Variants in ITGA8 observed in about 807,000 individuals in gnomAD.
ITGA8 encodes the protein integrin alpha-8.
In ITGA8, 91 loss-of-function variants were observed where a neutral mutation model predicts 142.3. That is an observed-to-expected ratio of 0.64 (90% CI 0.54 to 0.76). ITGA8 has a LOEUF of 0.76. ITGA8 is among the 30% of genes least tolerant of loss of function. The pLI is 0.00. For missense variants in ITGA8, 1,406 were observed against 1,327.7 expected (o/e 1.06, Z -0.92); for synonymous variants, 505 against 485.2 (o/e 1.04, Z -0.54).
intron 22 of ITGA8, among the ~76,000 whole-genome samples, chr10:15,590,042 C>T (rs537946385): frequency 4.6e-5 from 7 of 152,304 alleles, no homozygotes; most frequent in South Asian, 2.1e-4. Flanking sequence ...GGATTACAGG[C>T]GTGAGCCACT....
chr10:15,617,684 C>A (rs1833419887), intron 13 of ITGA8, among the ~76,000 whole-genome samples: 2 of 152,318 alleles, frequency 1.3e-5, no homozygotes, highest in South Asian at 2.1e-4. Context: ...CAGGCATGAG[C>A]CACTGCACCT....
chr10:15,528,399 C>T (rs1833219208), intron 28 of ITGA8, among the ~76,000 whole-genome samples: 1 of 152,172 alleles, frequency 6.6e-6, no homozygotes, highest in Admixed American at 6.5e-5. Context: ...AAGGTCTTCT[C>T]CAGTTAGTCA....
chr10:15,660,411 G>A lies in ITGA8; in HGVS notation c.891+468C>T, dbSNP rs941089712. On this transcript the variant is annotated intron_variant, in intron 9 of 29. Transcript: ENST00000378076. ...TCTGACTTATTTTCCTTCCTTTTCC[G>A]TAAGCAAGCAGCATGAATCGGGAGG... is the stretch of plus-strand genomic sequence containing the variant. 9.8e-5 allele frequency among the ~76,000 whole-genome samples: 15 copies of A among 152,292 alleles called. No homozygotes were observed. In the South Asian group the frequency reaches 1.2e-3, roughly 13 times the overall value.
In ITGA8 at chr10:15,567,734, C is replaced by T. The variant is rs114911137; in HGVS notation, c.2637+4477G>A. 1.9e-3 allele frequency among the ~76,000 whole-genome samples: 285 copies of T among 152,230 alleles called. 1 individual carries two copies. Among genetic ancestry groups the T allele is most frequent in the Middle Eastern group, 6.8e-3 (2 of 294 alleles). On this transcript the variant is annotated intron_variant, in intron 25 of 29. Coordinates refer to ENST00000378076, the MANE Select transcript of ITGA8 (RefSeq NM_003638.3). ...GCCCCTAGGCTGACCTCAGTTGGGC[C>T]CTGGGGACAATTCACAGGGGAAACA...
Position 15,644,579 on chromosome 10 carries a change from T to TCAGCCTCCC in ITGA8, c.1208-367_1208-359dup, listed in dbSNP as rs1385103234. Among the ~76,000 whole-genome samples, 5 of 146,606 alleles carry TCAGCCTCCC rather than the reference T, an allele frequency of 3.4e-5. No individual in the cohort carries two copies. In the East Asian group the frequency reaches 6.1e-4, roughly 18 times the overall value. ...CCTGGCCTCAAGTGATCACCCCACC[T>TCAGCCTCCC]CAGCCTCCCACACTGTTGGGATTAA... On this transcript the variant is annotated intron_variant, in intron 12 of 29. Coordinates refer to ENST00000378076, the MANE Select transcript of ITGA8 (RefSeq NM_003638.3).
chr10:15,644,477 TATATATATATATATAG>T (rs1175285504), intron 12 of ITGA8, among the ~76,000 whole-genome samples: 719 of 23,736 alleles, frequency 0.03, 25 homozygotes, highest in Admixed American at 0.047. Context: ...TATATATATA[TATATATATATATATAG>T]AATTTTTTTT....
rs1441727389 is a variant in ITGA8, at chr10:15,687,957, G to A, written c.425C>T (p.Ala142Val). 1.9e-6 allele frequency: 3 copies of A among 1,611,688 alleles called. No homozygotes were observed. The South Asian group carries it at 3.3e-5, about 18-fold the overall frequency. ...ACTCACCACAACTTTTCCTTTGTGA[G>A]CTTTCACTGTTGCTCCAAACCACTG... is the stretch of plus-strand genomic sequence containing the variant. ...SNQWFGATVKAHKGKVVACAP... is the reference protein window; with the variant it reads ...SNQWFGATVKVHKGKVVACAP... The change falls in exon 3 of 30, where the codon GCT becomes GTT. Residue 142 changes from alanine (A) to valine (V), a missense_variant. By Grantham distance (64) the Ala-to-Val change is moderately conservative. Transcript: ENST00000378076.
chr10:15,568,745 G>A (rs542164787), intron 25 of ITGA8, among the ~76,000 whole-genome samples: 4 of 152,160 alleles, frequency 2.6e-5, no homozygotes, highest in Non-Finnish European at 5.9e-5. Context: ...CTTTGATGCC[G>A]TCAAAGTATG....
chr10:15,533,153 G>A (rs1451129577), intron 27 of ITGA8, among the ~76,000 whole-genome samples: 3 of 152,128 alleles, frequency 2.0e-5, no homozygotes, highest in African/African-American at 4.8e-5. Flanking sequence ...TTTTTACAAA[G>A]TTCTTTTTCC....
chr10:15,683,810 A>G (rs1834785750), intron 4 of ITGA8, among the ~76,000 whole-genome samples, 194 bp downstream of exon 4: 1 of 152,268 alleles, frequency 6.6e-6, no homozygotes, highest in African/African-American at 2.4e-5. Context: ...ACAGAAGATC[A>G]GTAGAATTCC....
chr10:15,707,419 G>C (rs1835279925), intron 2 of ITGA8, among the ~76,000 whole-genome samples: 1 of 152,162 alleles, frequency 6.6e-6, no homozygotes, highest in Non-Finnish European at 1.5e-5. Context: ...AGCTGGAAAA[G>C]GCAAGGAAAT....
chr10:15,693,107 T>G (rs1360197384), intron 2 of ITGA8, among the ~76,000 whole-genome samples: 1 of 152,176 alleles, frequency 6.6e-6, no homozygotes, highest in Non-Finnish European at 1.5e-5. Context: ...AAAACATGCA[T>G]GTTTTCTTTC....
At chr10:15,605,916 C>G in intron 18 of ITGA8, 125 bp from the exon 19 acceptor site, 1 of 788,074 alleles carries the variant, frequency 1.3e-6, no homozygotes, top group Non-Finnish European at 2.1e-6. Context: ...ATGACTCTAC[C>G]CAAGCCAATA....
intron 8 of ITGA8, 137 bp from the exon 9 acceptor site, chr10:15,661,059 C>A: frequency 1.4e-6 from 1 of 737,990 alleles, no homozygotes; most frequent in South Asian, 1.7e-5. Context: ...TCCCCAAGCC[C>A]CAGGCCATCA....
chr10:15,672,435 T>C (rs567653273), intron 7 of ITGA8, among the ~76,000 whole-genome samples, 189 bp downstream of exon 7: 16 of 152,306 alleles, frequency 1.1e-4, no homozygotes, highest in Admixed American at 8.5e-4. Flanking sequence ...CTGCTCACAT[T>C]ATGTATTACA....
At chr10:15,607,648 G>C in intron 17 of ITGA8, 29 bp downstream of exon 17, 8 of 1,604,924 alleles carry the variant, frequency 5.0e-6, no homozygotes, top group Non-Finnish European at 6.8e-6. Flanking sequence ...GAAGGAGAGA[G>C]GCCAGAGAAG....
At chr10:15,686,957 C>G (rs536709681) in intron 3 of ITGA8, among the ~76,000 whole-genome samples, 1 of 152,106 alleles carries the variant, frequency 6.6e-6, no homozygotes. Context: ...AAGCCCCAAA[C>G]AGTTATTACA....
intron 2 of ITGA8, among the ~76,000 whole-genome samples, chr10:15,692,252 T>TA (rs543408339): frequency 3.1e-4 from 46 of 149,156 alleles, no homozygotes; most frequent in African/African-American, 7.4e-4. Context: ...TTTTGTCAAT[T>TA]AAAAAAAAAA....
chr10:15,658,975 T>C, intron 10 of ITGA8, 24 bp downstream of exon 10: 1 of 1,443,314 alleles, frequency 6.9e-7, no homozygotes, highest in Non-Finnish European at 9.7e-7. Context: ...TGATTTTATT[T>C]ATTTGATATT....
Sources: gnomAD v4.1 joint callset for allele counts (sites outside exome capture counted in the v4.1 genomes callset) on GRCh38, gnomAD v4.1.1 for gene constraint, MANE v1.5 for transcripts, NCBI Gene and HGNC (gene_info 2026-07-23, HGNC 2026-07-21) for gene names.